Variants in TP63 observed in about 807,000 individuals in gnomAD.
The protein encoded by TP63 is tumor protein 63.
In TP63, 17 loss-of-function variants were observed where a neutral mutation model predicts 82.8. The observed-to-expected ratio is 0.21, with a 90% CI of 0.14 to 0.31. TP63 has a LOEUF of 0.31. TP63 is among the 10% of genes least tolerant of loss of function. TP63 has a pLI of 1.00. For synonymous variants in TP63, 330 were observed against 321.7 expected (o/e 1.03, Z -0.28); for missense variants, 648 against 895.3 (o/e 0.72, Z 3.52).
At chr3:189,663,016 T>C (rs1714063377) in intron 1 of TP63, among the ~76,000 whole-genome samples, 1 of 151,794 alleles carries the variant, frequency 6.6e-6, no homozygotes, top group East Asian at 1.9e-4. Context: ...TGCTCTGAAT[T>C]TTTTTTTGCA....
At position 189,652,847 on chromosome 3, in the gene TP63, G is replaced by A. The variant is rs190730045; in HGVS notation, c.62+21270G>A. Among the ~76,000 whole-genome samples the A allele has an allele frequency of 5.5e-5, 8 of 146,682 alleles. 1 individual carries two copies. Among genetic ancestry groups the A allele is most frequent in the African/African-American group, 1.3e-4 (5 of 39,152 alleles). On this transcript the variant is annotated intron_variant, in intron 1 of 13. Coordinates refer to ENST00000264731, the MANE Select transcript of TP63 (RefSeq NM_003722.5). ...TAAAGGGTTTGCCACTTTGCTGGGC[G>A]CTCATTCTTCTCCTTCCTGTCACCA...
At chr3:189,630,101 A>G (rs1729406205), upstream of TP63, among the ~76,000 whole-genome samples, 1 of 152,184 alleles carries the variant, frequency 6.6e-6, no homozygotes, top group Admixed American at 6.6e-5. Flanking sequence ...GAAGCAACAA[A>G]TAAAATATTT....
intron 1 of TP63, among the ~76,000 whole-genome samples, chr3:189,681,192 A>G (rs1308978652): frequency 2.0e-5 from 3 of 147,814 alleles, no homozygotes; most frequent in Non-Finnish European, 4.6e-5. Flanking sequence ...ATAAGTGAAT[A>G]GTCACTTATG....
intron 4 of TP63, among the ~76,000 whole-genome samples, chr3:189,859,713 T>A (rs1325857233): frequency 6.6e-6 from 1 of 152,094 alleles, no homozygotes; most frequent in African/African-American, 2.4e-5. Flanking sequence ...GAAATGTACA[T>A]CCTCACAAAA....
intron 3 of TP63, among the ~76,000 whole-genome samples, chr3:189,761,043 A>ACC (rs2108538284): frequency 1.3e-5 from 2 of 152,156 alleles, no homozygotes; most frequent in African/African-American, 4.8e-5. Flanking sequence ...CAGCACAGAT[A>ACC]CCCTGGGCTT....
chr3:189,666,065 A>G (rs535840317), intron 1 of TP63, among the ~76,000 whole-genome samples: 1 of 152,198 alleles, frequency 6.6e-6, no homozygotes, highest in Admixed American at 6.5e-5. Context: ...AAAGGAAAAG[A>G]CATCAGAACC....
At chr3:189,720,591 G>A (rs962285365) in intron 1 of TP63, among the ~76,000 whole-genome samples, 6 of 152,034 alleles carry the variant, frequency 3.9e-5, no homozygotes, top group East Asian at 3.9e-4. Flanking sequence ...AAAATTAGCC[G>A]GGCGTGGTGG....
intron 10 of TP63, among the ~76,000 whole-genome samples, chr3:189,874,981 CTTTTTT>C (rs200117233): frequency 4.4e-5 from 5 of 114,250 alleles, no homozygotes; most frequent in South Asian, 5.4e-4. Flanking sequence ...TCTTTCCTGT[CTTTTTT>C]TTTTTTTTTT....
chr3:189,824,855 A>G (rs1452955968), intron 4 of TP63, among the ~76,000 whole-genome samples: 1 of 151,620 alleles, frequency 6.6e-6, no homozygotes, highest in African/African-American at 2.4e-5. Flanking sequence ...AAAAAAAGAC[A>G]TGGGTTAGAC....
chr3:189,826,479 T>G (rs13083327), intron 4 of TP63, among the ~76,000 whole-genome samples: 52,278 of 152,070 alleles, frequency 0.34, 9,287 homozygotes, highest in East Asian at 0.52. Flanking sequence ...CACATACAGT[T>G]TTTATTTGAG....
intron 1 of TP63, among the ~76,000 whole-genome samples, chr3:189,643,292 C>T (rs1712085382): frequency 6.6e-6 from 1 of 152,118 alleles, no homozygotes; most frequent in Non-Finnish European, 1.5e-5. Flanking sequence ...TGAGCCACTG[C>T]ACCCGGCCCC....
intron 3 of TP63, among the ~76,000 whole-genome samples, chr3:189,802,042 G>A (rs1726364480): frequency 1.3e-5 from 2 of 152,148 alleles, no homozygotes; most frequent in African/African-American, 4.8e-5. Context: ...GTAGAACACT[G>A]TAAGTCAATT....
At chr3:189,827,768 C>T (rs1342418725) in intron 4 of TP63, among the ~76,000 whole-genome samples, 4 of 152,140 alleles carry the variant, frequency 2.6e-5, no homozygotes, top group Non-Finnish European at 5.9e-5. Context: ...TTGAGATGGG[C>T]TGTGAATACC....
chr3:189,783,802 G>T (rs892639184), intron 3 of TP63, among the ~76,000 whole-genome samples: 1 of 151,886 alleles, frequency 6.6e-6, no homozygotes, highest in African/African-American at 2.4e-5. Context: ...AGTTGGAAAA[G>T]ATAATCCTCT....
At chr3:189,600,973 A>T in the TP63 span, among the ~76,000 whole-genome samples, 1 of 152,238 alleles carries the variant, frequency 6.6e-6, no homozygotes, top group South Asian at 2.1e-4. Flanking sequence ...TGAATCTCTA[A>T]TCAGTACAAC....
chr3:189,600,667 C>G, the TP63 span, among the ~76,000 whole-genome samples: 1 of 152,126 alleles, frequency 6.6e-6, no homozygotes, highest in African/African-American at 2.4e-5. Context: ...AGCCCTTATT[C>G]TAATTAATGT....
chr3:189,740,561 G>A (rs765528570), intron 3 of TP63, among the ~76,000 whole-genome samples: 5 of 152,102 alleles, frequency 3.3e-5, no homozygotes, highest in East Asian at 1.9e-4. Flanking sequence ...GTGCAGTGGC[G>A]CAATCTAGGC....
intron 3 of TP63, among the ~76,000 whole-genome samples, chr3:189,776,198 T>G (rs1367516874): frequency 1.3e-5 from 2 of 152,252 alleles, no homozygotes; most frequent in African/African-American, 4.8e-5. Context: ...GTTATATGAT[T>G]TCTAAAGTCT....
chr3:189,797,962 C>A (rs1018436256), intron 3 of TP63, among the ~76,000 whole-genome samples: 7 of 152,016 alleles, frequency 4.6e-5, no homozygotes, highest in Non-Finnish European at 1.0e-4. Context: ...ACACTTCCAT[C>A]CTCTGAACTC....
Sources: gnomAD v4.1 joint callset for allele counts (sites outside exome capture counted in the v4.1 genomes callset) on GRCh38, gnomAD v4.1.1 for gene constraint, MANE v1.5 for transcripts, NCBI Gene and HGNC (gene_info 2026-07-23, HGNC 2026-07-21) for gene names.